Variants in KRT72 observed in about 807,000 individuals in gnomAD.
KRT72 encodes the protein keratin, type II cytoskeletal 72.
Under a neutral mutation model 44.7 loss-of-function variants are expected in KRT72, and 44 were observed. The ratio of observed to expected loss-of-function variants is 0.98; its 90% CI spans 0.77 to 1.27. The LOEUF (loss-of-function observed/expected upper bound fraction) is 1.27, where lower values mean the gene tolerates loss of function less well. Ranked by LOEUF, KRT72 falls within the 50% of genes most tolerant of loss-of-function variation. KRT72 has a pLI of 0.00. For synonymous variants in KRT72, 302 were observed against 280.4 expected (o/e 1.08, Z -0.77); for missense variants, 736 against 667.1 (o/e 1.10, Z -1.14).
intron 1 of KRT72, among the ~76,000 whole-genome samples, chr12:52,600,650 T>C (rs1027186721): frequency 6.6e-6 from 1 of 152,128 alleles, no homozygotes; most frequent in South Asian, 2.1e-4. Context: ...GCCGCCGCCA[T>C]ATAAGACGTG....
At chr12:52,600,910 G>T in intron 1 of KRT72, 117 bp downstream of exon 1, 1 of 1,071,118 alleles carries the variant, frequency 9.3e-7, no homozygotes, top group Non-Finnish European at 1.4e-6. Context: ...AAATGGAAAA[G>T]GGAGGCTCGG....
chr12:52,598,616 C>T (rs1346275283), intron 2 of KRT72, among the ~76,000 whole-genome samples: 2 of 152,196 alleles, frequency 1.3e-5, no homozygotes, highest in African/African-American at 4.8e-5. Context: ...GAAAACTTCA[C>T]TCAGGAGGAA....
intron 6 of KRT72, 50 bp from the exon 7 acceptor site, chr12:52,587,901 A>T (rs374981564): frequency 2.6e-6 from 4 of 1,542,732 alleles, no homozygotes; most frequent in Non-Finnish European, 3.5e-6. Flanking sequence ...CAGTTCTGAG[A>T]TCTTGCTTGG....
intron 1 of KRT72, chr12:52,599,488 G>A (rs936540727): frequency 4.6e-5 from 21 of 460,142 alleles, no homozygotes; most frequent in Middle Eastern, 5.5e-4. Context: ...CATTTAGAGC[G>A]TTCCTCCTGT....
intron 2 of KRT72, 104 bp downstream of exon 2, chr12:52,598,794 C>G: frequency 1.1e-6 from 1 of 920,314 alleles, no homozygotes; most frequent in South Asian, 1.4e-5. Flanking sequence ...GTTCCTCCCT[C>G]CCCCGGTATC....
At position 52,592,398 on chromosome 12, in the gene KRT72, C is replaced by T. The variant is rs755627285; in HGVS notation, c.796G>A (p.Gly266Arg). 6.2e-7 allele frequency: 1 copy of T among 1,607,384 alleles called. No individual in the cohort carries two copies. The highest frequency in any genetic ancestry group is 8.5e-7 in the Non-Finnish European group (1 of 1,173,968). ...AGAGAGGTCAGCCAAGTCCTTACCCCTTCATAAAGGCACTTGAAGAATTTA... is the reference window on the plus strand; with the variant it reads ...AGAGAGGTCAGCCAAGTCCTTACCCTTTCATAAAGGCACTTGAAGAATTTA... Reference protein sequence around the residue: ...EIKFFKCLYEGEITQIQSHIS... With the variant: ...EIKFFKCLYEREITQIQSHIS... Residue 266 changes from glycine to arginine, a missense_variant and splice_region_variant, in exon 4 of 9, where the codon GGG (glycine) becomes AGG (arginine). Transcript: ENST00000293745.
At chr12:52,597,411 A>T (rs1940260394) in intron 2 of KRT72, among the ~76,000 whole-genome samples, 1 of 152,224 alleles carries the variant, frequency 6.6e-6, no homozygotes, top group Non-Finnish European at 1.5e-5. Flanking sequence ...AGAGAGATGC[A>T]AAAACCTGGC....
intron 5 of KRT72, 59 bp from the exon 6 acceptor site, chr12:52,591,020 C>G (rs1007557881): frequency 9.5e-6 from 14 of 1,470,810 alleles, no homozygotes; most frequent in Non-Finnish European, 1.3e-5. Flanking sequence ...AGGGCAGGTC[C>G]CTTTTCTTCT....
At chr12:52,599,308 T>A (rs1310168324) in intron 1 of KRT72, 196 bp from the exon 2 acceptor site, 6 of 659,176 alleles carry the variant, frequency 9.1e-6, no homozygotes, top group Non-Finnish European at 1.7e-5. Flanking sequence ...CCGGTCTATA[T>A]GGAATCAGGA....
upstream of KRT72, among the ~76,000 whole-genome samples, chr12:52,602,028 G>A (rs145178046): frequency 3.0e-4 from 46 of 152,298 alleles, no homozygotes; most frequent in Non-Finnish European, 4.0e-4. Flanking sequence ...TTTTGGCCCC[G>A]TCTGCAGAGA....
rs201093386 is a variant in KRT72 at position 52,590,865 on chromosome 12, G to A, written c.1060C>T (p.Arg354Cys). The A allele has an allele frequency of 1.2e-4, 190 of 1,595,788 alleles. No homozygotes were observed. The highest frequency in any genetic ancestry group is 6.4e-4 in the African/African-American group (48 of 74,800). ...TTCTTCACATTCCCTATCTCTGAGC[G>A]GATCCTCTGGATCAGGCGGTTGAGC... ...SELNRLIQRI[R>C]SEIGNVKKQC... Residue 354 changes from arginine to cysteine, a missense_variant, in exon 6 of 9, where the codon CGC (arginine) becomes TGC (cysteine). Arg to Cys is a radical substitution (Grantham distance 180). Coordinates refer to ENST00000293745, the MANE Select transcript of KRT72 (RefSeq NM_080747.3).
At chr12:52,591,438 A>C (rs1217776864) in intron 5 of KRT72, 26 bp downstream of exon 5, 2 of 1,608,206 alleles carry the variant, frequency 1.2e-6, no homozygotes, top group East Asian at 2.2e-5. Flanking sequence ...GGCCAGTGGG[A>C]CTCAGCACAC....
chr12:52,601,331 G>C lies in KRT72; in HGVS notation c.122C>G (p.Ser41Trp). The C allele has an allele frequency of 1.9e-6, 3 of 1,545,472 alleles. No individual in the cohort carries two copies. In the South Asian group the frequency reaches 3.6e-5, roughly 18 times the overall value. Residue 41 changes from serine (S) to tryptophan (W), a missense_variant, in exon 1 of 9, where the codon TCG becomes TGG. Transcript: ENST00000293745. ...SASFRARVKG[S>W]ASFGSKSLSC... ...GAGGCTCTTGCTGCCAAAGGAGGCC[G>C]AGCCCTTGACCCGGGCCCGGAATGA...
chr12:52,587,530 T>C, intron 7 of KRT72, 101 bp downstream of exon 7: 1 of 1,258,470 alleles, frequency 7.9e-7, no homozygotes, highest in Non-Finnish European at 1.2e-6. Flanking sequence ...TGTATGGTTT[T>C]ACTTCAGTAG....
At chr12:52,596,915 T>G (rs1445004688) in intron 2 of KRT72, among the ~76,000 whole-genome samples, 1 of 151,402 alleles carries the variant, frequency 6.6e-6, no homozygotes, top group Non-Finnish European at 1.5e-5. Context: ...GGCATAAAAA[T>G]ATATTATAAC....
At chr12:52,602,089 G>C (rs1419155915), upstream of KRT72, among the ~76,000 whole-genome samples, 1 of 152,162 alleles carries the variant, frequency 6.6e-6, no homozygotes, top group Non-Finnish European at 1.5e-5. Context: ...GGTCACAAGT[G>C]TTGAGGGTTG....
In KRT72 at chr12:52,585,724, A is replaced by C. The variant is rs1296255031; in HGVS notation, c.*258T>G. On this transcript the variant is annotated 3_prime_UTR_variant, in exon 9 of 9. Coordinates refer to ENST00000293745, the MANE Select transcript of KRT72 (RefSeq NM_080747.3). ...GGCTTGTAGCTGGCCTTGGGGAAAC[A>C]TCCTGGGTAAGTGTTGTCTTTGCAT... is the stretch of plus-strand genomic sequence containing the variant. The C allele has an allele frequency of 2.3e-5, 10 of 438,010 alleles. No individual in the cohort carries two copies. Among genetic ancestry groups the C allele is most frequent in the Non-Finnish European group, 3.7e-5 (9 of 243,908 alleles). 27.1% of individuals were successfully genotyped at this position (438,010 alleles called of 1,614,324 possible).
intron 2 of KRT72, among the ~76,000 whole-genome samples, chr12:52,598,534 T>C (rs1412389697): frequency 6.6e-6 from 1 of 152,240 alleles, no homozygotes; most frequent in African/African-American, 2.4e-5. Flanking sequence ...ATAAGTTTTT[T>C]AAATTCTTTT....
At chr12:52,587,882 G>A (rs372915015) in intron 6 of KRT72, 31 bp from the exon 7 acceptor site, 1 of 1,598,950 alleles carries the variant, frequency 6.3e-7, no homozygotes, top group Non-Finnish European at 8.6e-7. Flanking sequence ...GCACTTAAGA[G>A]TCAGAGCCCA....
Sources: gnomAD v4.1 joint callset for allele counts (sites outside exome capture counted in the v4.1 genomes callset) on GRCh38, gnomAD v4.1.1 for gene constraint, MANE v1.5 for transcripts, NCBI Gene and HGNC (gene_info 2026-07-23, HGNC 2026-07-21) for gene names.